ABCD4: variants seen among roughly 807,000 people sequenced by gnomAD.
ABCD4 encodes lysosomal cobalamin transporter ABCD4.
A neutral mutation model predicts 86.3 loss-of-function variants in ABCD4; 53 were observed. The observed-to-expected ratio is 0.61, with a 90% CI of 0.49 to 0.77. The LOEUF (loss-of-function observed/expected upper bound fraction) is 0.77, where lower values mean the gene tolerates loss of function less well. ABCD4 is among the 30% of genes least tolerant of loss of function. The pLI is 0.00. For missense variants in ABCD4, 757 were observed against 764.5 expected (o/e 0.99, Z 0.12); for synonymous variants, 328 against 313.6 (o/e 1.05, Z -0.49).
Position 74,293,168 on chromosome 14 carries a change from TC to T in ABCD4, c.799del (p.Glu267SerfsTer18). The T allele has an allele frequency of 6.2e-7, 1 of 1,614,108 alleles. No individual in the cohort carries two copies. The highest frequency in any genetic ancestry group is 8.5e-7 in the Non-Finnish European group (1 of 1,180,010). On this transcript the variant is annotated frameshift_variant, in exon 8 of 19. Transcript: ENST00000356924. LOFTEE classifies it high-confidence loss of function. ...CCCTCGCCTACTGTACAGCCAGAGC[TC>T]CTTGGACATCAGCTCCCTCTGGGTC... ...LQTQRELMSK[E>X]LWLYIGINTF...
At chr14:74,300,766 A>T (rs2084234775) in intron 1 of ABCD4, among the ~76,000 whole-genome samples, 1 of 152,202 alleles carries the variant, frequency 6.6e-6, no homozygotes, top group African/African-American at 2.4e-5. Flanking sequence ...ACTTCATTAG[A>T]GTTAAATGTT....
chr14:74,301,770 G>A (rs915222327), intron 1 of ABCD4, among the ~76,000 whole-genome samples: 6 of 152,072 alleles, frequency 3.9e-5, no homozygotes, highest in African/African-American at 1.4e-4. Flanking sequence ...GTGTGGTGGC[G>A]CGCGTCTGTA....
At position 74,298,104 on chromosome 14, in the gene ABCD4, T is replaced by C. The variant is rs201983727; in HGVS notation, c.286-35A>G. ...GGGGGAAGCAAGGGGAAGGGAGAGA[T>C]GGCTTCCTGAAAATCTCAGCTCAAA... is the stretch of plus-strand genomic sequence containing the variant. On this transcript the variant is annotated intron_variant, in intron 3 of 18. Transcript: ENST00000356924. 1.4e-4 allele frequency: 232 copies of C among 1,605,748 alleles called. 2 individuals are homozygous for C. In the Middle Eastern group the frequency reaches 2.3e-3, roughly 16 times the overall value.
Position 74,292,595 on chromosome 14 carries a change from G to C in ABCD4, c.984C>G (p.Ile328Met), listed in dbSNP as rs202052121. 3.7e-6 allele frequency: 6 copies of C among 1,614,038 alleles called. No individual in the cohort carries two copies. The South Asian group carries it at 6.6e-5, about 18-fold the overall frequency. Reference sequence around the variant, plus strand: ...CATCTGAGAGCGTCGTGGACAGGTCGATGAGCTGGGTGAAGCAGCTGATGA... The same window carrying C: ...CATCTGAGAGCGTCGTGGACAGGTCCATGAGCTGGGTGAAGCAGCTGATGA... ...IYLISCFTQL[I>M]DLSTTLSDVA... Residue 328 changes from isoleucine (I) to methionine (M), a missense_variant, in exon 10 of 19, where the codon ATC becomes ATG. Coordinates refer to ENST00000356924, the MANE Select transcript of ABCD4 (RefSeq NM_005050.4).
chr14:74,296,272 TG>T, intron 5 of ABCD4, 60 bp downstream of exon 5: 1 of 1,518,988 alleles, frequency 6.6e-7, no homozygotes, highest in Non-Finnish European at 9.1e-7. Flanking sequence ...GACCTTGACC[TG>T]GGAGAGCTGA....
In ABCD4 at chr14:74,288,257, G is replaced by T. The variant is rs764623821; in HGVS notation, c.1509C>A (p.Ser503=). 17 of 1,606,544 alleles carry T rather than the reference G, an allele frequency of 1.1e-5. No individual in the cohort carries two copies. The highest frequency in any genetic ancestry group is 1.4e-5 in the Non-Finnish European group (16 of 1,176,518). ...ILRFLELAGL[S]NLVARTEGLD... Reference sequence around the variant, plus strand: ...GGCCCTCTGTCCTTGCCACCAAGTTGGACTGTAACAGACCCAGAGGGCAGG... The same window carrying T: ...GGCCCTCTGTCCTTGCCACCAAGTTTGACTGTAACAGACCCAGAGGGCAGG... The change falls in exon 16 of 19, where the codon TCC becomes TCA. Residue 503 remains serine, a splice_region_variant and synonymous_variant. Transcript: ENST00000356924.
At position 74,287,791 on chromosome 14, in the gene ABCD4, C is replaced by G. The variant is rs750489386; in HGVS notation, c.1636+19G>C. On this transcript the variant is annotated intron_variant, in intron 17 of 18. Coordinates refer to ENST00000356924, the MANE Select transcript of ABCD4 (RefSeq NM_005050.4). Reference sequence around the variant, plus strand: ...TGCAGACAGCGCATGGCATGTGCAGCCACAAGGCGAGACCTCACCTGCGTA... The same window carrying G: ...TGCAGACAGCGCATGGCATGTGCAGGCACAAGGCGAGACCTCACCTGCGTA... 7.5e-6 allele frequency: 12 copies of G among 1,603,506 alleles called. No individual in the cohort carries two copies. Among genetic ancestry groups the G allele is most frequent in the African/African-American group, 1.3e-5 (1 of 74,562 alleles).
intron 11 of ABCD4, among the ~76,000 whole-genome samples, chr14:74,291,900 C>T (rs560657388): frequency 2.6e-5 from 4 of 152,262 alleles, no homozygotes; most frequent in East Asian, 3.9e-4. Context: ...AGAAATATTA[C>T]AGATCCACGC....
At chr14:74,297,335 G>A (rs1463679290) in intron 4 of ABCD4, 1 of 152,206 alleles carries the variant, frequency 6.6e-6, no homozygotes, top group African/African-American at 2.4e-5. Flanking sequence ...GGAACCTGGG[G>A]CTTGGTGACT....
In ABCD4 at chr14:74,286,357, T is replaced by C. The variant is rs1255565299; in HGVS notation, c.*104A>G. On this transcript the variant is annotated 3_prime_UTR_variant, in exon 19 of 19. Coordinates refer to ENST00000356924, the MANE Select transcript of ABCD4 (RefSeq NM_005050.4). ...GGACCCATGTGGCTCCTGCACGGGA[T>C]CTATGTGGCGAACCTGAGCTCGATC... is the stretch of plus-strand genomic sequence containing the variant. 3 of 1,260,184 alleles carry C rather than the reference T, an allele frequency of 2.4e-6. No homozygotes were observed. In the African/African-American group the frequency reaches 4.4e-5, roughly 19 times the overall value. The allele number at this position is 1,260,184 out of a possible 1,614,324, so 78.1% of individuals were successfully genotyped here. A position where few individuals can be genotyped will look rare whatever the true frequency, so the allele number is the denominator to read the frequency against.
intron 1 of ABCD4, among the ~76,000 whole-genome samples, chr14:74,301,291 C>G (rs1475202304): frequency 6.6e-6 from 1 of 151,512 alleles, no homozygotes; most frequent in African/African-American, 2.4e-5. Context: ...TTTTTAGTGG[C>G]TGGGAGTACG....
At chr14:74,286,841 G>T (rs964026061) in intron 17 of ABCD4, 25 bp from the exon 18 acceptor site, 2 of 1,606,922 alleles carry the variant, frequency 1.2e-6, no homozygotes, top group Non-Finnish European at 1.7e-6. Flanking sequence ...CACAGAGGAA[G>T]AGATCAAAGC....
chr14:74,299,698 G>A (rs2083812716), intron 2 of ABCD4, 23 bp from the exon 3 acceptor site: 2 of 1,602,002 alleles, frequency 1.2e-6, no homozygotes, highest in Non-Finnish European at 1.7e-6. Flanking sequence ...AGAGGAGTAA[G>A]AAATCAGTGA....
At position 74,292,573 on chromosome 14, in the gene ABCD4, C is replaced by T; in HGVS notation, c.1006G>A (p.Asp336Asn). ...QLIDLSTTLS[D>N]VAGYTHRIGQ... Reference sequence around the variant, plus strand: ...CACCTGTGCGTGTAGCCAGCCACATCTGAGAGCGTCGTGGACAGGTCGATG... The same window carrying T: ...CACCTGTGCGTGTAGCCAGCCACATTTGAGAGCGTCGTGGACAGGTCGATG... Residue 336 changes from aspartate (D) to asparagine (N), a missense_variant, in exon 10 of 19, where the codon GAT becomes AAT. Physicochemically the swap from Asp to Asn is conservative, Grantham distance 23 (BLOSUM62 1). Coordinates refer to ENST00000356924, the MANE Select transcript of ABCD4 (RefSeq NM_005050.4). 1 of 1,614,046 alleles carries T rather than the reference C, an allele frequency of 6.2e-7. No individual in the cohort carries two copies. The highest frequency in any genetic ancestry group is 8.5e-7 in the Non-Finnish European group (1 of 1,180,004).
rs2139890245 is a variant in ABCD4 at position 74,292,270 on chromosome 14, G to A, written c.1118+17C>T. On this transcript the variant is annotated intron_variant, in intron 11 of 18. Coordinates refer to ENST00000356924, the MANE Select transcript of ABCD4 (RefSeq NM_005050.4). ...AGCCTGCAGCCTCAACTACTGCTCTGCCAGCCCGCTACTCACGTGTCCAAG... is the reference window on the plus strand; with the variant it reads ...AGCCTGCAGCCTCAACTACTGCTCTACCAGCCCGCTACTCACGTGTCCAAG... The A allele has an allele frequency of 6.2e-7, 1 of 1,613,084 alleles. No homozygotes were observed. Among genetic ancestry groups the A allele is most frequent in the Non-Finnish European group, 8.5e-7 (1 of 1,179,502 alleles).
chr14:74,286,322 GTCCTGCACAGGACCCATGTGGC>G lies in ABCD4; in HGVS notation c.*117_*138del, dbSNP rs1205151572. The G allele has an allele frequency of 9.4e-6, 8 of 849,722 alleles. No individual in the cohort carries two copies. Among genetic ancestry groups the G allele is most frequent in the African/African-American group, 3.3e-5 (2 of 60,354 alleles). 52.6% of individuals were successfully genotyped at this position (849,722 alleles called of 1,614,324 possible). A position where few individuals can be genotyped will look rare whatever the true frequency, so the allele number is the denominator to read the frequency against. On this transcript the variant is annotated 3_prime_UTR_variant, in exon 19 of 19. Transcript: ENST00000356924. The stretch of plus-strand genomic sequence containing the variant: ...TGGGCTCAGCCCACCACTGCTAGGG[GTCCTGCACAGGACCCATGTGGC>G]TCCTGCACGGGATCTATGTGGCGAA...
At chr14:74,294,995 A>T in intron 7 of ABCD4, 153 bp downstream of exon 7, 1 of 872,022 alleles carries the variant, frequency 1.1e-6, no homozygotes. Flanking sequence ...TGAGGCAGGC[A>T]AGGGCAGGGG....
Position 74,286,291 on chromosome 14 carries a change from T to C in ABCD4, c.*170A>G. 1 of 654,484 alleles carries C rather than the reference T, an allele frequency of 1.5e-6. No homozygotes were observed. Among genetic ancestry groups the C allele is most frequent in the Admixed American group, 2.8e-5 (1 of 35,366 alleles). 40.5% of individuals were successfully genotyped at this position (654,484 alleles called of 1,614,324 possible). ...AGATTCAGTGTCCCCCACAGAAACC[T>C]AGACCTGGGCTCAGCCCACCACTGC... On this transcript the variant is annotated 3_prime_UTR_variant, in exon 19 of 19. Transcript: ENST00000356924.
In ABCD4 at chr14:74,292,355, C is replaced by T. The variant is rs375959039; in HGVS notation, c.1050G>A (p.Thr350=). The change falls in exon 11 of 19, where the codon ACG becomes ACA. Residue 350 remains threonine (T), a synonymous_variant. Transcript: ENST00000356924. ...YTHRIGQLRE[T]LLDMSLKSQD... ...GTGACTTCAGGGACATGTCCAGAAG[C>T]GTCTCCCGAAGCTGCCCAATTCTGA... The T allele has an allele frequency of 1.2e-5, 19 of 1,613,998 alleles. No individual in the cohort carries two copies. The highest frequency in any genetic ancestry group is 2.7e-5 in the African/African-American group (2 of 74,936).
Sources: allele counts gnomAD v4.1 joint callset (sites outside exome capture counted in the v4.1 genomes callset), GRCh38; gene constraint gnomAD v4.1.1; transcripts MANE v1.5; gene names NCBI Gene and HGNC (gene_info 2026-07-23, HGNC 2026-07-21).